KIRREL3: variants seen among roughly 807,000 people sequenced by gnomAD.
KIRREL3 encodes the protein kirre like nephrin family adhesion molecule 3.
A neutral mutation model predicts 89.7 loss-of-function variants in KIRREL3; 36 were observed. That is an observed-to-expected ratio of 0.40 (90% CI 0.31 to 0.53). The LOEUF (loss-of-function observed/expected upper bound fraction) is 0.53, where lower values mean the gene tolerates loss of function less well. KIRREL3 is among the 20% of genes least tolerant of loss of function. KIRREL3 has a pLI of 0.49. For missense variants in KIRREL3, 864 were observed against 1,056.6 expected (o/e 0.82, Z 2.53); for synonymous variants, 445 against 441.4 (o/e 1.01, Z -0.10).
chr11:126,854,927 T>C (rs1944460506), intron 1 of KIRREL3, among the ~76,000 whole-genome samples: 1 of 152,224 alleles, frequency 6.6e-6, no homozygotes, highest in Non-Finnish European at 1.5e-5. Context: ...GCCCTCGTTA[T>C]AGTCCTTCAC....
chr11:126,983,844 C>CCATA lies in KIRREL3; in HGVS notation c.55+16607_55+16610dup, dbSNP rs1208833487. 6.6e-6 allele frequency among the ~76,000 whole-genome samples: 1 copy of CCATA among 152,116 alleles called. No homozygotes were observed. Among genetic ancestry groups the CCATA allele is most frequent in the Non-Finnish European group, 1.5e-5 (1 of 68,036 alleles). On this transcript the variant is annotated intron_variant, in intron 1 of 16. Coordinates refer to ENST00000525144, the MANE Select transcript of KIRREL3 (RefSeq NM_032531.4). This position sits in a 1 kb window ranked among gnomAD's most constrained non-coding sequence, Gnocchi z 4.9. ...AGCAGCACTGGGAAACAAATACACT[C>CCATA]CATACATAGCCTTTCTCAACTGAGA... is the stretch of plus-strand genomic sequence containing the variant.
In KIRREL3 at chr11:126,642,149, C is replaced by T. The variant is rs1944496132; in HGVS notation, c.56-79237G>A. Among the ~76,000 whole-genome samples the T allele has an allele frequency of 6.6e-6, 1 of 152,198 alleles. No homozygotes were observed. The highest frequency in any genetic ancestry group is 1.5e-5 in the Non-Finnish European group (1 of 68,034). ...CCATAACCCATGGGAGGGGAGGGAC[C>T]TCCAACAATCTTGTTAGTGCATCAA... On this transcript the variant is annotated intron_variant, in intron 1 of 16. Coordinates refer to ENST00000525144, the MANE Select transcript of KIRREL3 (RefSeq NM_032531.4). This position sits in a 1 kb window ranked among gnomAD's most constrained non-coding sequence, Gnocchi z 4.9.
intron 1 of KIRREL3, among the ~76,000 whole-genome samples, chr11:126,762,615 G>A (rs1949699812): frequency 6.6e-6 from 1 of 152,152 alleles, no homozygotes; most frequent in African/African-American, 2.4e-5. Flanking sequence ...ACAGCAGTGG[G>A]AGCTGGAGCA....
At chr11:126,514,156 A>G (rs1356828200) in intron 4 of KIRREL3, among the ~76,000 whole-genome samples, 4 of 152,192 alleles carry the variant, frequency 2.6e-5, no homozygotes, top group South Asian at 4.1e-4. Context: ...GATGTACAAT[A>G]GCTCCGACAC....
upstream of KIRREL3, among the ~76,000 whole-genome samples, chr11:127,002,682 T>C (rs1482801890): frequency 6.6e-6 from 1 of 152,226 alleles, no homozygotes. Context: ...GGACAAATAC[T>C]AGAATGCAGA....
rs555548352 is a variant in KIRREL3 at position 126,709,472 on chromosome 11, G to T, written c.56-146560C>A. Among the ~76,000 whole-genome samples the T allele has an allele frequency of 2.0e-5, 3 of 152,300 alleles. No individual in the cohort carries two copies. The highest frequency in any genetic ancestry group is 2.0e-4 in the Admixed American group (3 of 15,302). ...GTGGTGGTGGCAGTGGTAGGGAGTA[G>T]GTTGAACTGTGTCCCCAACATTCAT... On this transcript the variant is annotated intron_variant, in intron 1 of 16. Transcript: ENST00000525144. This position sits in a 1 kb window ranked among gnomAD's most constrained non-coding sequence, Gnocchi z 4.0.
rs1329145271 is a variant in KIRREL3 at position 126,923,119 on chromosome 11, T to TCTTCTC, written c.55+77335_55+77336insGAGAAG. On this transcript the variant is annotated intron_variant, in intron 1 of 16. Transcript: ENST00000525144. ...TTCTTCTTCTCCTTCTCCTTCTCCTTCTCCTTCTTCTCTTCTTCTTCTTCT... is the reference window on the plus strand; with the variant it reads ...TTCTTCTTCTCCTTCTCCTTCTCCTTCTTCTCCTCCTTCTTCTCTTCTTCTTCTTCT... Among the ~76,000 whole-genome samples, 39 of 57,640 alleles carry TCTTCTC rather than the reference T, an allele frequency of 6.8e-4. 2 individuals are homozygous for TCTTCTC. Among genetic ancestry groups the TCTTCTC allele is most frequent in the African/African-American group, 3.5e-3 (30 of 8,694 alleles). 37.8% of individuals were successfully genotyped at this position (57,640 alleles called of 152,430 possible). A position where few individuals can be genotyped will look rare whatever the true frequency, so the allele number is the denominator to read the frequency against.
rs917126068 is a variant in KIRREL3 at position 126,525,117 on chromosome 11, A to G, written c.283+1421T>C. ...CTGGATGCTAGAGGGTCAGTTATCC[A>G]TGCTGAGATGACCACCGTATGCACT... On this transcript the variant is annotated intron_variant, in intron 3 of 16. Coordinates refer to ENST00000525144, the MANE Select transcript of KIRREL3 (RefSeq NM_032531.4). This position sits in a 1 kb window ranked among gnomAD's most constrained non-coding sequence, Gnocchi z 5.4. 2.0e-5 allele frequency among the ~76,000 whole-genome samples: 3 copies of G among 152,148 alleles called. No homozygotes were observed. The highest frequency in any genetic ancestry group is 4.4e-5 in the Non-Finnish European group (3 of 68,022).
At chr11:126,538,105 A>G (rs971500802) in intron 2 of KIRREL3, among the ~76,000 whole-genome samples, 6 of 152,132 alleles carry the variant, frequency 3.9e-5, no homozygotes, top group African/African-American at 1.4e-4. Flanking sequence ...AGTTGCACCC[A>G]TTAGAAACCT....
chr11:126,678,056 C>T (rs1298448217), intron 1 of KIRREL3, among the ~76,000 whole-genome samples: 1 of 152,110 alleles, frequency 6.6e-6, no homozygotes, highest in African/African-American at 2.4e-5. Context: ...AAGGATAAGG[C>T]ATATTTTTTC....
At position 126,607,553 on chromosome 11, in the gene KIRREL3, G is replaced by A. The variant is rs1337899254; in HGVS notation, c.56-44641C>T. 4.6e-5 allele frequency among the ~76,000 whole-genome samples: 7 copies of A among 152,144 alleles called. No homozygotes were observed. Among genetic ancestry groups the A allele is most frequent in the Admixed American group, 3.9e-4 (6 of 15,278 alleles). ...CCGCTGGAGAGAAGCAGCGCTCCAC[G>A]TTCAAAGACCATTATTGCCATTATT... On this transcript the variant is annotated intron_variant, in intron 1 of 16. Coordinates refer to ENST00000525144, the MANE Select transcript of KIRREL3 (RefSeq NM_032531.4). This position sits in a 1 kb window ranked among gnomAD's most constrained non-coding sequence, Gnocchi z 6.6.
At position 126,991,471 on chromosome 11, in the gene KIRREL3, TTTATTATTA is replaced by T. The variant is rs143676602; in HGVS notation, c.55+8975_55+8983del. On this transcript the variant is annotated intron_variant, in intron 1 of 16. Transcript: ENST00000525144. This position sits in a 1 kb window ranked among gnomAD's most constrained non-coding sequence, Gnocchi z 5.8. ...AGTCCCTGCCTTTGCTTCCTTCCTT[TTTATTATTA>T]TTATTATTATTATTTGTCAGAACAG... Among the ~76,000 whole-genome samples, 2 of 151,366 alleles carry T rather than the reference TTTATTATTA, an allele frequency of 1.3e-5. No individual in the cohort carries two copies. The highest frequency in any genetic ancestry group is 4.9e-5 in the African/African-American group (2 of 41,102).
rs947220072 is a variant in KIRREL3, at chr11:126,515,113, G to C, written c.433+6202C>G. On this transcript the variant is annotated intron_variant, in intron 4 of 16. Coordinates refer to ENST00000525144, the MANE Select transcript of KIRREL3 (RefSeq NM_032531.4). This position sits in a 1 kb window ranked among gnomAD's most constrained non-coding sequence, Gnocchi z 4.2. ...ACAGTTACTCTCAACATAGCGTGTC[G>C]AGACCTGTAATCAAGGTGCATAAGG... Among the ~76,000 whole-genome samples, 1 of 152,144 alleles carries C rather than the reference G, an allele frequency of 6.6e-6. No individual in the cohort carries two copies. The highest frequency in any genetic ancestry group is 1.5e-5 in the Non-Finnish European group (1 of 68,028).
intron 1 of KIRREL3, among the ~76,000 whole-genome samples, chr11:126,760,942 G>T (rs917760763): frequency 6.6e-6 from 1 of 152,188 alleles, no homozygotes; most frequent in Non-Finnish European, 1.5e-5. Flanking sequence ...AATCTCTCTG[G>T]TCTGGAGTGG....
chr11:126,914,982 AC>A (rs1433091493), intron 1 of KIRREL3, among the ~76,000 whole-genome samples: 4 of 152,098 alleles, frequency 2.6e-5, no homozygotes, highest in African/African-American at 7.2e-5. Context: ...TCAAGTGGAC[AC>A]CCCCCTAAGA....
chr11:126,445,676 C>T (rs541196699), intron 9 of KIRREL3, among the ~76,000 whole-genome samples: 8 of 152,300 alleles, frequency 5.3e-5, no homozygotes, highest in South Asian at 2.1e-4. Flanking sequence ...TCTTCTCAGA[C>T]GCTCCCTTTC....
intron 1 of KIRREL3, among the ~76,000 whole-genome samples, chr11:126,972,750 A>T (rs12575031): frequency 0.12 from 18,856 of 152,144 alleles, 1,434 homozygotes; most frequent in East Asian, 0.37. Context: ...CGTGTATGCC[A>T]CATGTATGTA....
At chr11:126,581,565 A>G (rs1433856893) in intron 1 of KIRREL3, among the ~76,000 whole-genome samples, 1 of 151,928 alleles carries the variant, frequency 6.6e-6, no homozygotes, top group Non-Finnish European at 1.5e-5. Flanking sequence ...AGATCTATTT[A>G]TGGTATACAA....
chr11:126,480,366 T>C (rs1957183965), intron 4 of KIRREL3, among the ~76,000 whole-genome samples: 1 of 152,230 alleles, frequency 6.6e-6, no homozygotes, highest in Non-Finnish European at 1.5e-5. Context: ...TTTAGGTTTG[T>C]GGCTGTGTGA....
Sources: gnomAD v4.1 joint callset for allele counts (sites outside exome capture counted in the v4.1 genomes callset) on GRCh38, gnomAD v4.1.1 for gene constraint, Gnocchi (gnomAD v3.1) non-coding constraint, MANE v1.5 for transcripts, NCBI Gene and HGNC (gene_info 2026-07-23, HGNC 2026-07-21) for gene names.